Variants in SPMIP11 observed in about 807,000 individuals in gnomAD.
SPMIP11 encodes the protein long intergenic non-protein coding RNA 935.
the SPMIP11 span, among the ~76,000 whole-genome samples, chr12:48,756,618 C>T: frequency 3.9e-4 from 59 of 152,196 alleles, no homozygotes; most frequent in Admixed American, 1.6e-3. Flanking sequence ...CAGCAATCCT[C>T]GGCAATTTCC....
At chr12:48,765,911 C>T in the SPMIP11 span, 1 of 464,402 alleles carries the variant, frequency 2.2e-6, no homozygotes, top group African/African-American at 2.0e-5. Flanking sequence ...AGTGAGAGGT[C>T]TGTGAGGGGC....
At chr12:48,736,167 C>G in the SPMIP11 span, 1 of 422,808 alleles carries the variant, frequency 2.4e-6, no homozygotes, top group Non-Finnish European at 4.7e-6. Context: ...ACTTTGGAAG[C>G]CCGAGGTGAG....
At chr12:48,770,617 T>C in the SPMIP11 span, 2 of 742,708 alleles carry the variant, frequency 2.7e-6, no homozygotes, top group East Asian at 2.5e-5. Flanking sequence ...ATCTCTGTTC[T>C]TAATATCAGA....
chr12:48,741,647 C>CTTT, the SPMIP11 span, among the ~76,000 whole-genome samples: 3 of 133,588 alleles, frequency 2.2e-5, no homozygotes, highest in Non-Finnish European at 4.9e-5. Flanking sequence ...TGTAAGTATT[C>CTTT]TTTTTTTTTT....
chr12:48,742,531 C>T, the SPMIP11 span, among the ~76,000 whole-genome samples: 4 of 151,990 alleles, frequency 2.6e-5, no homozygotes, highest in Non-Finnish European at 4.4e-5. Context: ...CTGCCTACCT[C>T]AGCCTCCCAA....
the SPMIP11 span, chr12:48,768,685 G>A: frequency 4.3e-6 from 7 of 1,614,058 alleles, no homozygotes; most frequent in African/African-American, 4.0e-5. Flanking sequence ...GTAGCCCTTG[G>A]CAGCTAGAAC....
the SPMIP11 span, chr12:48,770,943 G>A: frequency 2.5e-6 from 4 of 1,614,120 alleles, no homozygotes; most frequent in East Asian, 4.5e-5. Flanking sequence ...ATCTTTTCCA[G>A]CTGCCGGAAC....
the SPMIP11 span, among the ~76,000 whole-genome samples, chr12:48,748,870 A>G: frequency 5.3e-5 from 8 of 151,694 alleles, no homozygotes; most frequent in Non-Finnish European, 8.8e-5. Flanking sequence ...ATTAAGACAA[A>G]CCCCCTCCAT....
chr12:48,765,127 G>A, the SPMIP11 span: 1 of 593,914 alleles, frequency 1.7e-6, no homozygotes, highest in East Asian at 2.8e-5. Context: ...AGAGAAAACT[G>A]GCCCCAGAAT....
the SPMIP11 span, among the ~76,000 whole-genome samples, chr12:48,742,507 C>T: frequency 6.6e-6 from 1 of 151,794 alleles, no homozygotes; most frequent in Non-Finnish European, 1.5e-5. Flanking sequence ...GTCTCAAACT[C>T]CTGACCTCGT....
chr12:48,752,588 G>A, the SPMIP11 span, among the ~76,000 whole-genome samples: 2 of 152,018 alleles, frequency 1.3e-5, no homozygotes. Context: ...GTCCTGCCCA[G>A]GGAAGCACAA....
chr12:48,760,561 C>A, the SPMIP11 span, among the ~76,000 whole-genome samples: 1 of 152,120 alleles, frequency 6.6e-6, no homozygotes, highest in African/African-American at 2.4e-5. Flanking sequence ...GATTCTCACT[C>A]TATCGCCCAG....
At chr12:48,765,673 A>G in the SPMIP11 span, 11 of 702,774 alleles carry the variant, frequency 1.6e-5, no homozygotes, top group Non-Finnish European at 2.9e-5. Flanking sequence ...TGGCTGCAGA[A>G]AGACAAGATG....
chr12:48,747,968 G>C, the SPMIP11 span, among the ~76,000 whole-genome samples: 1 of 152,118 alleles, frequency 6.6e-6, no homozygotes, highest in Admixed American at 6.6e-5. Context: ...CATAACCACA[G>C]ATGTCAAGTG....
chr12:48,768,526 A>T, the SPMIP11 span: 5 of 1,611,772 alleles, frequency 3.1e-6, no homozygotes, highest in Non-Finnish European at 4.2e-6. Flanking sequence ...AGCTCCACCC[A>T]GTGAGCACAG....
chr12:48,729,271 C>G, the SPMIP11 span, among the ~76,000 whole-genome samples: 1 of 151,888 alleles, frequency 6.6e-6, no homozygotes, highest in Non-Finnish European at 1.5e-5. Context: ...CGCGGTGGCT[C>G]ACGCCTGTAA....
the SPMIP11 span, among the ~76,000 whole-genome samples, chr12:48,735,389 C>A: frequency 8.5e-4 from 130 of 152,304 alleles, 3 homozygotes; most frequent in African/African-American, 2.9e-3. Context: ...GGGCAGATCA[C>A]CTGAGGTCAA....
At chr12:48,746,599 C>T in the SPMIP11 span, among the ~76,000 whole-genome samples, 2 of 151,950 alleles carry the variant, frequency 1.3e-5, no homozygotes, top group South Asian at 4.1e-4. Context: ...ACCCCTGACC[C>T]CGTGATCCAC....
chr12:48,759,517 T>C, the SPMIP11 span, among the ~76,000 whole-genome samples: 40 of 152,070 alleles, frequency 2.6e-4, no homozygotes, highest in Admixed American at 4.6e-4. Flanking sequence ...TGAAACCCCA[T>C]CTCTACTAAA....
Sources: gnomAD v4.1 joint callset for allele counts (sites outside exome capture counted in the v4.1 genomes callset) on GRCh38, gnomAD v4.1.1 for gene constraint, MANE v1.5 for transcripts, NCBI Gene and HGNC (gene_info 2026-07-23, HGNC 2026-07-21) for gene names.